The following NOTCH2 variants were observed in gnomAD, a reference collection of about 807,000 sequenced individuals.
The protein encoded by NOTCH2 is neurogenic locus notch homolog protein 2.
NOTCH2 carries 29 observed loss-of-function variants against 235.8 expected under a neutral mutation model. The observed-to-expected ratio is 0.12, with a 90% CI of 0.09 to 0.17. NOTCH2 has a LOEUF of 0.17. Among genes scored for constraint, NOTCH2 ranks in the 10% least tolerant of loss-of-function variants. NOTCH2 has a pLI of 1.00. For missense variants in NOTCH2, 2,285 were observed against 3,150.2 expected (o/e 0.73, Z 6.57); for synonymous variants, 1,086 against 1,141.5 (o/e 0.95, Z 0.98).
Position 119,937,863 on chromosome 1 carries a change from T to C in NOTCH2, c.3331A>G (p.Arg1111Gly). The C allele has an allele frequency of 1.2e-6, 2 of 1,614,184 alleles. No individual in the cohort carries two copies. Among genetic ancestry groups the C allele is most frequent in the Non-Finnish European group, 1.7e-6 (2 of 1,180,026 alleles). The change falls in exon 20 of 34, where the codon AGG becomes GGG. Residue 1111 changes from arginine to glycine, a missense_variant. Physicochemically the swap from Arg to Gly is moderately radical, Grantham distance 125. Transcript: ENST00000256646. ...PNVSCDIAASRRGVLVEHLCQ... is the reference protein window; with the variant it reads ...PNVSCDIAASGRGVLVEHLCQ... Reference sequence around the variant, plus strand: ...CCAAGGGAGCAAAGCTTACCTCTCCTGGAGGCTGCTATGTCACAAGAGACA... The same window carrying C: ...CCAAGGGAGCAAAGCTTACCTCTCCCGGAGGCTGCTATGTCACAAGAGACA...
intron 5 of NOTCH2, among the ~76,000 whole-genome samples, chr1:119,974,052 T>A (rs1570705998): frequency 6.6e-6 from 1 of 152,300 alleles, no homozygotes; most frequent in East Asian, 1.9e-4. Context: ...TAAAAGCAAA[T>A]GACTTTATGT....
chr1:119,916,052 A>G lies in NOTCH2; in HGVS notation c.6670T>C (p.Leu2224=). ...ASTVLPSVSQ[L]LSHHHIVSPG... ...GACACAATGTGGTGGTGGGATAGCAACTGGCTCACTGAGGGAAGCACAGTG... is the reference window on the plus strand; with the variant it reads ...GACACAATGTGGTGGTGGGATAGCAGCTGGCTCACTGAGGGAAGCACAGTG... The change falls in exon 34 of 34, where the codon TTG becomes CTG. Residue 2224 remains leucine, a synonymous_variant. Coordinates refer to ENST00000256646, the MANE Select transcript of NOTCH2 (RefSeq NM_024408.4). 1 of 1,613,862 alleles carries G rather than the reference A, an allele frequency of 6.2e-7. No individual in the cohort carries two copies. The highest frequency in any genetic ancestry group is 1.6e-4 in the Middle Eastern group (1 of 6,062).
At chr1:119,921,859 A>T (rs1436843999) in intron 28 of NOTCH2, 50 bp from the exon 29 acceptor site, 4 of 1,470,356 alleles carry the variant, frequency 2.7e-6, no homozygotes, top group Non-Finnish European at 3.8e-6. Flanking sequence ...ATAAACTAAT[A>T]CAGTGGTTTT....
At chr1:119,960,635 G>A (rs1348725708) in intron 11 of NOTCH2, among the ~76,000 whole-genome samples, 2 of 151,674 alleles carry the variant, frequency 1.3e-5, no homozygotes, top group African/African-American at 4.8e-5. Context: ...AAAACATCCA[G>A]GATAAAATGC....
chr1:119,950,908 C>A, intron 14 of NOTCH2, 71 bp from the exon 15 acceptor site: 1 of 960,704 alleles, frequency 1.0e-6, no homozygotes, highest in Non-Finnish European at 1.7e-6. Flanking sequence ...AACCAATTCT[C>A]TTTAGGGGTA....
intron 1 of NOTCH2, among the ~76,000 whole-genome samples, chr1:120,034,362 A>AAAGAAGT (rs1654225713): frequency 7.5e-6 from 1 of 133,662 alleles, no homozygotes; most frequent in South Asian, 2.4e-4. Context: ...AAAAAAGCAA[A>AAAGAAGT]AAGAAGTAGT....
At chr1:119,920,905 CAAT>C (rs1457593200) in intron 29 of NOTCH2, among the ~76,000 whole-genome samples, 1 of 152,094 alleles carries the variant, frequency 6.6e-6, no homozygotes, top group Non-Finnish European at 1.5e-5. Context: ...AAAGACTATT[CAAT>C]AATAATAATC....
At chr1:119,958,336 T>C (rs1650790743) in intron 12 of NOTCH2, among the ~76,000 whole-genome samples, 1 of 152,216 alleles carries the variant, frequency 6.6e-6, no homozygotes, top group Non-Finnish European at 1.5e-5. Context: ...TCCTTTCTAA[T>C]GTCCACAATC....
At chr1:119,983,321 T>G (rs1435862685) in intron 5 of NOTCH2, among the ~76,000 whole-genome samples, 1 of 151,824 alleles carries the variant, frequency 6.6e-6, no homozygotes, top group Non-Finnish European at 1.5e-5. Flanking sequence ...ACCCAGCTAA[T>G]TTTGTATTTT....
intron 5 of NOTCH2, among the ~76,000 whole-genome samples, chr1:119,971,091 C>G (rs1224618612): frequency 6.6e-6 from 1 of 152,204 alleles, no homozygotes; most frequent in Non-Finnish European, 1.5e-5. Flanking sequence ...CTGACTTAAC[C>G]TAACTGACTG....
At chr1:119,935,692 T>G (rs1367030469) in intron 21 of NOTCH2, 88 bp from the exon 22 acceptor site, 9 of 1,416,104 alleles carry the variant, frequency 6.4e-6, no homozygotes, top group Non-Finnish European at 8.9e-6. Flanking sequence ...AACATTTCTG[T>G]GACTGTCTCC....
intron 2 of NOTCH2, among the ~76,000 whole-genome samples, chr1:120,010,668 T>C (rs1294781542): frequency 1.3e-4 from 20 of 152,128 alleles, no homozygotes; most frequent in Non-Finnish European, 2.1e-4. Context: ...ATTTGTTAAG[T>C]GAAATTACTG....
At chr1:119,919,699 T>C in intron 30 of NOTCH2, 86 bp from the exon 31 acceptor site, 1 of 1,309,996 alleles carries the variant, frequency 7.6e-7, no homozygotes, top group South Asian at 1.3e-5. Flanking sequence ...TGACTAAAGT[T>C]ATTCTTAGGG....
Position 119,935,462 on chromosome 1 carries a change from G to A in NOTCH2, c.3655+10C>T. ...CCCTGGATGGAAAATGGATAAGGATGATTTCATACCCCGAGTGCCTGGTGG... is the reference window on the plus strand; with the variant it reads ...CCCTGGATGGAAAATGGATAAGGATAATTTCATACCCCGAGTGCCTGGTGG... On this transcript the variant is annotated intron_variant, in intron 22 of 33. Coordinates refer to ENST00000256646, the MANE Select transcript of NOTCH2 (RefSeq NM_024408.4). The A allele has an allele frequency of 6.2e-7, 1 of 1,614,154 alleles. No individual in the cohort carries two copies. The highest frequency in any genetic ancestry group is 1.6e-4 in the Middle Eastern group (1 of 6,062).
rs782652560 is a variant in NOTCH2, at chr1:119,969,512, T to G, written c.1107A>C (p.Ala369=). ...TAGATCCGTCCTTCTGCTACCTACCTGCCTTCCCCTCTGGGCACATGCAAG... is the reference window on the plus strand; with the variant it reads ...TAGATCCGTCCTTCTGCTACCTACCGGCCTTCCCCTCTGGGCACATGCAAG... ...SFSCMCPEGK[A]GLLCHLDDAC... The change falls in exon 6 of 34, where the codon GCA becomes GCC. Residue 369 remains alanine (A), a splice_region_variant and synonymous_variant. Transcript: ENST00000256646. 1 of 1,613,480 alleles carries G rather than the reference T, an allele frequency of 6.2e-7. No individual in the cohort carries two copies. The highest frequency in any genetic ancestry group is 1.7e-5 in the Admixed American group (1 of 59,984).
At chr1:119,978,379 A>T (rs1418976567) in intron 5 of NOTCH2, among the ~76,000 whole-genome samples, 2 of 152,214 alleles carry the variant, frequency 1.3e-5, no homozygotes, top group Non-Finnish European at 2.9e-5. Flanking sequence ...AAGTGTTTCC[A>T]GCAAAGAAAT....
At chr1:119,935,349 T>C in intron 22 of NOTCH2, 123 bp downstream of exon 22, 2 of 1,606,906 alleles carry the variant, frequency 1.2e-6, no homozygotes, top group Non-Finnish European at 1.7e-6. Context: ...GATGTAGAAC[T>C]AAATGCTTGG....
chr1:119,927,557 T>C (rs1204355257), intron 23 of NOTCH2, among the ~76,000 whole-genome samples: 1 of 151,776 alleles, frequency 6.6e-6, no homozygotes, highest in Admixed American at 6.6e-5. Context: ...ATGTGGAAAA[T>C]GCACAAACAC....
intron 1 of NOTCH2, among the ~76,000 whole-genome samples, chr1:120,046,006 C>T (rs587681747): frequency 6.6e-6 from 1 of 152,190 alleles, no homozygotes; most frequent in Admixed American, 6.5e-5. Flanking sequence ...GTTTAATAGC[C>T]AGACATTTAT....
Sources: allele counts gnomAD v4.1 joint callset (sites outside exome capture counted in the v4.1 genomes callset), GRCh38; gene constraint gnomAD v4.1.1; transcripts MANE v1.5; gene names NCBI Gene and HGNC (gene_info 2026-07-23, HGNC 2026-07-21).